Variants in DSCAM observed in about 807,000 individuals in gnomAD.
DSCAM encodes the protein DS cell adhesion molecule.
A neutral mutation model predicts 217.7 loss-of-function variants in DSCAM; 47 were observed. The observed-to-expected ratio is 0.22, with a 90% CI of 0.17 to 0.28. The LOEUF (loss-of-function observed/expected upper bound fraction) is 0.28. DSCAM is among the 10% of genes least tolerant of loss of function. The pLI, the probability that DSCAM is intolerant of heterozygous loss-of-function variation, is 1.00. For synonymous variants in DSCAM, 1,056 were observed against 1,015.3 expected, an observed-to-expected ratio of 1.04 and a Z score of -0.76; for missense variants, 2,080 against 2,618.3, an observed-to-expected ratio of 0.79 and a Z score of 4.49.
At chr21:40,744,704 G>C (rs528181564) in intron 1 of DSCAM, among the ~76,000 whole-genome samples, 1 of 151,908 alleles carries the variant, frequency 6.6e-6, no homozygotes, top group South Asian at 2.1e-4. Context: ...CAAATATGCA[G>C]GCATCATCAT....
At position 40,416,678 on chromosome 21, in the gene DSCAM, G is replaced by T. The variant is rs117783835; in HGVS notation, c.509-47433C>A. Among the ~76,000 whole-genome samples the T allele has an allele frequency of 8.3e-3, 1,269 of 152,130 alleles. 6 individuals carry two copies. Among genetic ancestry groups the T allele is most frequent in the Non-Finnish European group, 0.014 (952 of 68,002 alleles). On this transcript the variant is annotated intron_variant, in intron 3 of 32. Transcript: ENST00000400454. The stretch of plus-strand genomic sequence containing the variant: ...GATTGATATAAACTTCAATTGAGTT[G>T]ATAGAATTATTAAACTAAAAGAAAA...
intron 27 of DSCAM, among the ~76,000 whole-genome samples, chr21:40,067,742 TTCCCTCCC>T (rs763376801): frequency 3.3e-4 from 13 of 39,840 alleles, no homozygotes; most frequent in East Asian, 1.5e-3. Flanking sequence ...CCTCCCCTCA[TTCCCTCCC>T]TCCCTCCCTC....
At chr21:40,708,283 C>CT (rs2090739263) in intron 2 of DSCAM, among the ~76,000 whole-genome samples, 171 bp downstream of exon 2, 1 of 152,180 alleles carries the variant, frequency 6.6e-6, no homozygotes, top group Admixed American at 6.5e-5. Context: ...ATGTAAGGCA[C>CT]TTTGAAATCT....
At chr21:40,621,782 T>G (rs1433284920) in intron 3 of DSCAM, among the ~76,000 whole-genome samples, 2 of 151,378 alleles carry the variant, frequency 1.3e-5, no homozygotes, top group African/African-American at 4.9e-5. Flanking sequence ...CAAATCCAAT[T>G]GAGCTGTTAA....
chr21:40,547,045 A>C (rs2076588958), intron 3 of DSCAM, among the ~76,000 whole-genome samples: 2 of 152,096 alleles, frequency 1.3e-5, no homozygotes, highest in Non-Finnish European at 2.9e-5. Context: ...CATCAAGCAG[A>C]GCAACTAAGA....
intron 3 of DSCAM, among the ~76,000 whole-genome samples, chr21:40,405,630 A>G (rs2075273717): frequency 6.6e-6 from 1 of 152,204 alleles, no homozygotes; most frequent in Non-Finnish European, 1.5e-5. Context: ...TACATAAGAG[A>G]CTCAATACAA....
chr21:40,301,989 T>C (rs898111527), intron 9 of DSCAM, among the ~76,000 whole-genome samples: 1 of 152,192 alleles, frequency 6.6e-6, no homozygotes, highest in African/African-American at 2.4e-5. Flanking sequence ...TTTGGGACTG[T>C]TGCCGTTTGG....
At chr21:40,077,271 A>G (rs1324072665) in intron 26 of DSCAM, among the ~76,000 whole-genome samples, 1 of 152,186 alleles carries the variant, frequency 6.6e-6, no homozygotes, top group East Asian at 1.9e-4. Context: ...CCCAGGCCAG[A>G]AGTGCCAGGA....
chr21:40,141,494 C>T (rs13046190), intron 18 of DSCAM, among the ~76,000 whole-genome samples: 65,029 of 152,040 alleles, frequency 0.43, 17,092 homozygotes, highest in South Asian at 0.58. Flanking sequence ...TGCACGCCTG[C>T]AATCCTAGCT....
At chr21:40,810,134 C>T (rs1351223275) in intron 1 of DSCAM, among the ~76,000 whole-genome samples, 3 of 152,196 alleles carry the variant, frequency 2.0e-5, no homozygotes, top group African/African-American at 7.2e-5. Context: ...GCTGGAGCTG[C>T]TTTTCCTTGT....
intron 3 of DSCAM, among the ~76,000 whole-genome samples, chr21:40,464,228 C>T (rs951159804): frequency 1.3e-5 from 2 of 152,182 alleles, no homozygotes; most frequent in African/African-American, 4.8e-5. Flanking sequence ...GTTCTGGGAA[C>T]ATCAATAAAA....
intron 1 of DSCAM, among the ~76,000 whole-genome samples, chr21:40,827,616 A>C (rs1197909756): frequency 6.6e-6 from 1 of 152,218 alleles, no homozygotes; most frequent in Non-Finnish European, 1.5e-5. Flanking sequence ...AGAGACTGAA[A>C]GATGAGAGTG....
chr21:40,130,737 G>A (rs896528239), intron 19 of DSCAM, among the ~76,000 whole-genome samples: 2 of 152,202 alleles, frequency 1.3e-5, no homozygotes, highest in African/African-American at 4.8e-5. Flanking sequence ...TTAGATAGTG[G>A]TAGAGAAACT....
intron 20 of DSCAM, among the ~76,000 whole-genome samples, chr21:40,108,325 T>C (rs1197197199): frequency 6.6e-6 from 1 of 152,008 alleles, no homozygotes; most frequent in Non-Finnish European, 1.5e-5. Flanking sequence ...CTCAGGATAG[T>C]GCGAAAATCA....
chr21:40,483,272 G>A (rs1039580040), intron 3 of DSCAM, among the ~76,000 whole-genome samples: 2 of 152,208 alleles, frequency 1.3e-5, no homozygotes, highest in Non-Finnish European at 2.9e-5. Flanking sequence ...ACCATTGTGA[G>A]ATTTTACTTT....
At chr21:40,645,638 T>C (rs893605766) in intron 3 of DSCAM, among the ~76,000 whole-genome samples, 21 of 152,282 alleles carry the variant, frequency 1.4e-4, no homozygotes, top group African/African-American at 4.8e-4. Flanking sequence ...CCTCTTCATG[T>C]TTTATGTTAG....
rs1024605870 is a variant in DSCAM, at chr21:40,194,418, C to CT, written c.2357-5181dup. Among the ~76,000 whole-genome samples the CT allele has an allele frequency of 9.1e-4, 138 of 152,196 alleles. 1 individual carries two copies. Among genetic ancestry groups the CT allele is most frequent in the Admixed American group, 2.9e-3 (44 of 15,292 alleles). On this transcript the variant is annotated intron_variant, in intron 11 of 32. Transcript: ENST00000400454. ...ATGACAACATGTCTGTACAGCAGCC[C>CT]TTTTTGCGAGGATTTCTGAAGCATA...
chr21:40,214,714 C>T (rs375247828), intron 11 of DSCAM, among the ~76,000 whole-genome samples: 1 of 125,270 alleles, frequency 8.0e-6, no homozygotes, highest in Admixed American at 8.6e-5. Context: ...TCAAATAAAA[C>T]GGACTTCAAA....
chr21:40,274,781 C>T (rs181791737), intron 11 of DSCAM, among the ~76,000 whole-genome samples: 1 of 152,144 alleles, frequency 6.6e-6, no homozygotes, highest in African/African-American at 2.4e-5. Context: ...TAATTATAAT[C>T]CATTTCACAA....
Sources: gnomAD v4.1 joint callset for allele counts (sites outside exome capture counted in the v4.1 genomes callset) on GRCh38, gnomAD v4.1.1 for gene constraint, MANE v1.5 for transcripts, NCBI Gene and HGNC (gene_info 2026-07-23, HGNC 2026-07-21) for gene names.